Variants in SIGIRR observed in about 807,000 individuals in gnomAD.
SIGIRR encodes the protein single Ig and TIR domain containing.
Under a neutral mutation model 45.6 loss-of-function variants are expected in SIGIRR, and 41 were observed. The observed-to-expected ratio is 0.90, with a 90% CI of 0.70 to 1.17. The LOEUF (loss-of-function observed/expected upper bound fraction) is 1.17. Ranked by LOEUF, SIGIRR falls within the 50% of genes most tolerant of loss-of-function variation. The pLI, the probability that SIGIRR is intolerant of heterozygous loss-of-function variation, is 0.00. For synonymous variants in SIGIRR, 298 were observed against 239.0 expected (o/e 1.25, Z -2.28); for missense variants, 599 against 539.6 (o/e 1.11, Z -1.09).
chr11:405,793 G>A lies in SIGIRR; in HGVS notation c.*103C>T. ...AGCCTTTTCCCAGGGCTGCTGGCAG[G>A]GTCCCAGGGCTGCTGGCAGGGGTTG... On this transcript the variant is annotated 3_prime_UTR_variant, in exon 10 of 10. Coordinates refer to ENST00000431843, the MANE Select transcript of SIGIRR (RefSeq NM_001135054.2). 1 of 1,400,920 alleles carries A rather than the reference G, an allele frequency of 7.1e-7. No individual in the cohort carries two copies. The highest frequency in any genetic ancestry group is 9.6e-7 in the Non-Finnish European group (1 of 1,044,396). The allele number at this position is 1,400,920 out of a possible 1,614,324, so 86.8% of individuals were successfully genotyped here.
chr11:410,902 G>A (rs540597829), intron 1 of SIGIRR, among the ~76,000 whole-genome samples: 10 of 54,150 alleles, frequency 1.8e-4, no homozygotes, highest in Admixed American at 1.6e-3. Context: ...GGATACAGTC[G>A]GGGAGGGGGG....
At position 409,214 on chromosome 11, in the gene SIGIRR, C is replaced by T. The variant is rs1847483378; in HGVS notation, c.8-321G>A. ...AGTCCAGCCCCCCATTTCCCAGATG[C>T]ACCTGTTGCCCACCCCTGGTGACAC... On this transcript the variant is annotated intron_variant, in intron 2 of 9. Transcript: ENST00000431843. 2.1e-5 allele frequency: 10 copies of T among 478,720 alleles called. No individual in the cohort carries two copies. The Middle Eastern group carries it at 1.2e-3, about 59-fold the overall frequency. 29.7% of individuals were successfully genotyped at this position (478,720 alleles called of 1,614,324 possible). A position where few individuals can be genotyped will look rare whatever the true frequency, so the allele number is the denominator to read the frequency against.
In SIGIRR at chr11:407,804, G is replaced by A; in HGVS notation, c.481+13C>T. 1 of 1,612,288 alleles carries A rather than the reference G, an allele frequency of 6.2e-7. No individual in the cohort carries two copies. Among genetic ancestry groups the A allele is most frequent in the Non-Finnish European group, 8.5e-7 (1 of 1,179,800 alleles). ...TGGCGACCCCTCCTCGCGCCCACGC[G>A]GGCCCCACGCACCGTTTATCTCCAC... is the stretch of plus-strand genomic sequence containing the variant. On this transcript the variant is annotated intron_variant, in intron 5 of 9. Coordinates refer to ENST00000431843, the MANE Select transcript of SIGIRR (RefSeq NM_001135054.2).
chr11:406,792 C>T, intron 8 of SIGIRR, 51 bp downstream of exon 8: 3 of 1,462,962 alleles, frequency 2.1e-6, no homozygotes. Context: ...CCGGGCACCG[C>T]CCATCTCTAA....
intron 6 of SIGIRR, 28 bp from the exon 7 acceptor site, chr11:407,192 AGGGGCGGGGGCGGGGGAGGGC>A: frequency 8.4e-6 from 1 of 118,988 alleles, no homozygotes; most frequent in Non-Finnish European, 1.4e-5. Context: ...TCGGCGGCGC[AGGGGCGGGGGCGGGGGAGGGC>A]GGGGCCGGAG....
chr11:407,794 G>A, intron 5 of SIGIRR, 23 bp downstream of exon 5: 3 of 1,611,738 alleles, frequency 1.9e-6, no homozygotes, highest in Non-Finnish European at 8.5e-7. Flanking sequence ...ACCCCTCCTC[G>A]CGCCCACGCG....
Position 407,089 on chromosome 11 carries a change from C to CTTTTT in SIGIRR, c.700_701insAAAAA (p.Ser234LysfsTer52). Reference sequence around the variant, plus strand: ...GAAGCTGTGGCTGCACCAGGCCCGGCTCAGGAAGGCGTCCGAAAGCACCAC... The same window carrying CTTTTT: ...GAAGCTGTGGCTGCACCAGGCCCGGCTTTTTTCAGGAAGGCGTCCGAAAGCACCAC... On this transcript the variant is annotated frameshift_variant, in exon 7 of 10. Coordinates refer to ENST00000431843, the MANE Select transcript of SIGIRR (RefSeq NM_001135054.2). LOFTEE classifies it high-confidence loss of function. 1 of 1,556,690 alleles carries CTTTTT rather than the reference C, an allele frequency of 6.4e-7. No individual in the cohort carries two copies. Among genetic ancestry groups the CTTTTT allele is most frequent in the Non-Finnish European group, 8.6e-7 (1 of 1,157,160 alleles).
At chr11:416,855 G>C (rs576887636), upstream of SIGIRR, among the ~76,000 whole-genome samples, 39 of 152,258 alleles carry the variant, frequency 2.6e-4, no homozygotes, top group Non-Finnish European at 2.1e-4. This position sits in a 1 kb window ranked among gnomAD's most constrained non-coding sequence, Gnocchi z 9.1. Flanking sequence ...GTGCGGCTCG[G>C]GGCGCTCGGC....
At position 406,334 on chromosome 11, in the gene SIGIRR, G is replaced by A. The variant is rs374812121; in HGVS notation, c.1069+15C>T. On this transcript the variant is annotated intron_variant, in intron 9 of 9. Coordinates refer to ENST00000431843, the MANE Select transcript of SIGIRR (RefSeq NM_001135054.2). ...TGAGCTTCTCCAGTTGGGGAGTGGG[G>A]CTGGGCGGGCATACCCAGGTCGCCC... 4 of 1,610,990 alleles carry A rather than the reference G, an allele frequency of 2.5e-6. No individual in the cohort carries two copies. Among genetic ancestry groups the A allele is most frequent in the African/African-American group, 1.3e-5 (1 of 74,894 alleles).
intron 9 of SIGIRR, 27 bp downstream of exon 9, chr11:406,322 T>G: frequency 1.2e-6 from 2 of 1,609,024 alleles, no homozygotes; most frequent in African/African-American, 1.3e-5. Flanking sequence ...GCTTCTCCAG[T>G]TGGGGAGTGG....
intron 2 of SIGIRR, 175 bp downstream of exon 2, chr11:409,693 G>C (rs898989639): frequency 1.7e-5 from 10 of 596,416 alleles, no homozygotes; most frequent in Non-Finnish European, 2.6e-5. Context: ...CTCACCACTC[G>C]CCCTGGTTTC....
upstream of SIGIRR, among the ~76,000 whole-genome samples, chr11:415,538 G>A (rs753089019): frequency 2.6e-5 from 4 of 152,150 alleles, no homozygotes; most frequent in Non-Finnish European, 4.4e-5. The surrounding 1 kb of genome is among the most constrained non-coding windows in gnomAD (Gnocchi z 6.6). Context: ...GGGGAACAGG[G>A]CCTTCAGAAA....
upstream of SIGIRR, among the ~76,000 whole-genome samples, chr11:415,504 C>G (rs1847858357): frequency 6.6e-6 from 1 of 152,148 alleles, no homozygotes; most frequent in Non-Finnish European, 1.5e-5. The surrounding 1 kb of genome is among the most constrained non-coding windows in gnomAD (Gnocchi z 6.6). Flanking sequence ...TTTGCTCCCC[C>G]ATGTGTCTTT....
At position 408,688 on chromosome 11, in the gene SIGIRR, C is replaced by T. The variant is rs1847460771; in HGVS notation, c.206+7G>A. On this transcript the variant is annotated splice_region_variant and intron_variant, in intron 3 of 9. Transcript: ENST00000431843. ...TCACTCTGACCCTGGATACCCGGGT[C>T]TCTTACCAGGAGTACTCGTGGAGGC... 3 of 1,612,564 alleles carry T rather than the reference C, an allele frequency of 1.9e-6. No individual in the cohort carries two copies. The highest frequency in any genetic ancestry group is 2.5e-6 in the Non-Finnish European group (3 of 1,179,884).
Position 409,963 on chromosome 11 carries a change from G to A in SIGIRR, c.-89C>T, listed in dbSNP as rs1266635496. ...CTCCTCGGCCAGCAGACTGATCCAA[G>A]AGCTGGGCAGGACTCCTCTCTGTCC... is the stretch of plus-strand genomic sequence containing the variant. On this transcript the variant is annotated 5_prime_UTR_variant, in exon 2 of 10. Transcript: ENST00000431843. 2.4e-6 allele frequency: 3 copies of A among 1,255,846 alleles called. No homozygotes were observed. The highest frequency in any genetic ancestry group is 3.1e-5 in the African/African-American group (2 of 64,510). 77.8% of individuals were successfully genotyped at this position (1,255,846 alleles called of 1,614,324 possible).
intron 5 of SIGIRR, 92 bp from the exon 6 acceptor site, chr11:407,660 A>T: frequency 6.4e-7 from 1 of 1,557,752 alleles, no homozygotes; most frequent in East Asian, 2.3e-5. Flanking sequence ...CCACGTGCAC[A>T]GGGGCAGACC....
chr11:416,796 A>C, upstream of SIGIRR, among the ~76,000 whole-genome samples: 1 of 151,692 alleles, frequency 6.6e-6, no homozygotes, highest in Non-Finnish European at 1.5e-5. This position sits in a 1 kb window ranked among gnomAD's most constrained non-coding sequence, Gnocchi z 9.1. Flanking sequence ...GGCGCCCTCC[A>C]AGTGAGGAGG....
intron 1 of SIGIRR, among the ~76,000 whole-genome samples, chr11:413,962 A>ACC (rs1847795406): frequency 1.1e-5 from 1 of 91,394 alleles, no homozygotes; most frequent in Non-Finnish European, 2.1e-5. Context: ...CTTTCCCTGT[A>ACC]CTCTCGTCTG....
chr11:412,458 T>C (rs59560242), intron 1 of SIGIRR, among the ~76,000 whole-genome samples: 3 of 22,944 alleles, frequency 1.3e-4, no homozygotes, highest in Admixed American at 6.8e-4. Context: ...GGGGGGGTGC[T>C]CAGCTCTGAC....
Sources: gnomAD v4.1 joint callset for allele counts (sites outside exome capture counted in the v4.1 genomes callset) on GRCh38, gnomAD v4.1.1 for gene constraint, Gnocchi (gnomAD v3.1) non-coding constraint, MANE v1.5 for transcripts, NCBI Gene and HGNC (gene_info 2026-07-23, HGNC 2026-07-21) for gene names.